Variants in SCML4 observed in about 807,000 individuals in gnomAD.
SCML4 encodes Scm polycomb group protein like 4.
Under a neutral mutation model 41.1 loss-of-function variants are expected in SCML4, and 34 were observed. The observed-to-expected ratio is 0.83, with a 90% CI of 0.63 to 1.10. SCML4 has a LOEUF of 1.10. Ranked by LOEUF, SCML4 falls within the 50% of genes least tolerant of loss-of-function variation. The probability of loss-of-function intolerance (pLI) is 0.00; values close to 1 mark genes in which losing one functional copy is unlikely to be tolerated. For synonymous variants in SCML4, 214 were observed against 220.9 expected, an observed-to-expected ratio of 0.97 and a Z score of 0.28; for missense variants, 522 against 534.1, an observed-to-expected ratio of 0.98 and a Z score of 0.22.
intron 2 of SCML4, among the ~76,000 whole-genome samples, chr6:107,764,070 A>G (rs932372404): frequency 6.6e-6 from 1 of 152,250 alleles, no homozygotes; most frequent in Non-Finnish European, 1.5e-5. Context: ...AAGTTAGAAG[A>G]CATTGAATAA....
At chr6:107,708,378 G>A (rs1210290041) in intron 6 of SCML4, among the ~76,000 whole-genome samples, 2 of 152,136 alleles carry the variant, frequency 1.3e-5, no homozygotes, top group Non-Finnish European at 2.9e-5. Flanking sequence ...TCCTGAGCCT[G>A]GGTACTTGGT....
At chr6:107,795,424 A>T (rs1167951503) in intron 1 of SCML4, among the ~76,000 whole-genome samples, 1 of 152,186 alleles carries the variant, frequency 6.6e-6, no homozygotes, top group Non-Finnish European at 1.5e-5. Context: ...AGTCAATTTC[A>T]TAGGTCTTAA....
Position 107,802,237 on chromosome 6 carries a change from G to A in SCML4, c.-60+21889C>T, listed in dbSNP as rs569432647. 6.6e-5 allele frequency among the ~76,000 whole-genome samples: 10 copies of A among 152,292 alleles called. 1 individual carries two copies. Among genetic ancestry groups the A allele is most frequent in the Admixed American group, 5.9e-4 (9 of 15,290 alleles). ...CCAAATGATATGCAGCAAGTCAGGT[G>A]ATGATAAATATTACAAGAATAAATT... On this transcript the variant is annotated intron_variant, in intron 1 of 7. Transcript: ENST00000369020.
intron 5 of SCML4, among the ~76,000 whole-genome samples, chr6:107,730,923 C>T (rs1776473438): frequency 6.6e-6 from 1 of 152,172 alleles, no homozygotes; most frequent in African/African-American, 2.4e-5. Flanking sequence ...GTTCTGAGTC[C>T]AGAGTGTGTG....
intron 6 of SCML4, among the ~76,000 whole-genome samples, chr6:107,710,375 T>C (rs1366150536): frequency 1.3e-5 from 1 of 77,010 alleles, no homozygotes; most frequent in Non-Finnish European, 2.8e-5. Flanking sequence ...GGGCCTGGCA[T>C]TGGGTGAGGG....
intron 5 of SCML4, among the ~76,000 whole-genome samples, chr6:107,736,039 G>A (rs1777035708): frequency 6.6e-6 from 1 of 152,080 alleles, no homozygotes; most frequent in Non-Finnish European, 1.5e-5. Context: ...GGTGGAGTAG[G>A]CTACTTGTGT....
intron 1 of SCML4, among the ~76,000 whole-genome samples, chr6:107,773,589 CAAAAAAAAAAA>C (rs5878938): frequency 9.1e-5 from 7 of 76,978 alleles, no homozygotes; most frequent in South Asian, 5.4e-4. Flanking sequence ...AAGACTGTCT[CAAAAAAAAAAA>C]AAAAAAAAAA....
the SCML4 span, among the ~76,000 whole-genome samples, chr6:107,831,830 G>T: frequency 6.6e-6 from 1 of 152,116 alleles, no homozygotes; most frequent in South Asian, 2.1e-4. Flanking sequence ...GAAGTGGGAG[G>T]ATCACAAGGT....
chr6:107,806,401 C>A (rs1783733303), intron 1 of SCML4, among the ~76,000 whole-genome samples: 1 of 152,202 alleles, frequency 6.6e-6, no homozygotes, highest in African/African-American at 2.4e-5. Flanking sequence ...ATGTGCCCTG[C>A]CTATCCTCGA....
intron 2 of SCML4, among the ~76,000 whole-genome samples, chr6:107,760,931 A>G (rs1253173728): frequency 6.6e-6 from 1 of 152,228 alleles, no homozygotes; most frequent in African/African-American, 2.4e-5. Flanking sequence ...TTGAATTTTT[A>G]TAAGTGGGAA....
Position 107,772,273 on chromosome 6 carries a change from T to TG in SCML4, c.54dup (p.Thr19HisfsTer9). On this transcript the variant is annotated frameshift_variant, in exon 2 of 8. Transcript: ENST00000369020. LOFTEE classifies it high-confidence loss of function. ...TTATGAACTGCCATCTTCATAGGCG[T>TG]GGAGTGAAGTGAGGGTCGGCCTCGC... is the stretch of plus-strand genomic sequence containing the variant. 3 of 1,551,754 alleles carry TG rather than the reference T, an allele frequency of 1.9e-6. No individual in the cohort carries two copies. Among genetic ancestry groups the TG allele is most frequent in the Non-Finnish European group, 2.6e-6 (3 of 1,147,006 alleles).
At chr6:107,840,304 G>C in the SCML4 span, among the ~76,000 whole-genome samples, 42 of 152,320 alleles carry the variant, frequency 2.8e-4, no homozygotes, top group East Asian at 7.9e-3. Flanking sequence ...ATTAATGATT[G>C]GGTTCTGGTC....
At chr6:107,810,146 G>A (rs1007300375) in intron 1 of SCML4, among the ~76,000 whole-genome samples, 3 of 152,100 alleles carry the variant, frequency 2.0e-5, no homozygotes, top group Admixed American at 6.6e-5. Flanking sequence ...CTTGGGAGCT[G>A]TGAAGAAGAG....
At chr6:107,769,422 G>C (rs1780336964) in intron 2 of SCML4, among the ~76,000 whole-genome samples, 1 of 152,212 alleles carries the variant, frequency 6.6e-6, no homozygotes, top group Admixed American at 6.5e-5. Context: ...ACATGTTCTT[G>C]AGTCTTGAAG....
chr6:107,711,812 A>G (rs145492268), intron 6 of SCML4, among the ~76,000 whole-genome samples: 2 of 152,172 alleles, frequency 1.3e-5, no homozygotes, highest in African/African-American at 4.8e-5. Context: ...CCTTCTTTAG[A>G]TCTCGGGGCA....
intron 1 of SCML4, among the ~76,000 whole-genome samples, chr6:107,809,847 CCT>C (rs367761638): frequency 3.2e-4 from 48 of 149,808 alleles, no homozygotes; most frequent in Non-Finnish European, 3.9e-4. Flanking sequence ...TAATTATGCA[CCT>C]CTCTCTCTCT....
At chr6:107,777,585 T>A (rs1781060270) in intron 1 of SCML4, among the ~76,000 whole-genome samples, 1 of 152,222 alleles carries the variant, frequency 6.6e-6, no homozygotes, top group African/African-American at 2.4e-5. Flanking sequence ...GCCACAGAAC[T>A]TCAGTGGCTA....
Position 107,802,866 on chromosome 6 carries a change from G to A in SCML4, c.-60+21260C>T, listed in dbSNP as rs996153635. On this transcript the variant is annotated intron_variant, in intron 1 of 7. Transcript: ENST00000369020. ...CTGCCTGATTCTCCTGCCTCAGCCT[G>A]CCGAGTGCCTGCGATTGCAGTCGCG... Among the ~76,000 whole-genome samples the A allele has an allele frequency of 7.9e-5, 12 of 151,972 alleles. No individual in the cohort carries two copies. The East Asian group carries it at 2.3e-3, about 30-fold the overall frequency.
chr6:107,828,734 C>CA (rs1785320815), upstream of SCML4, among the ~76,000 whole-genome samples: 1 of 152,140 alleles, frequency 6.6e-6, no homozygotes, highest in Non-Finnish European at 1.5e-5. Context: ...TTATGATTAC[C>CA]ATTTTGCAGC....
Sources: gnomAD v4.1 joint callset for allele counts (sites outside exome capture counted in the v4.1 genomes callset) on GRCh38, gnomAD v4.1.1 for gene constraint, MANE v1.5 for transcripts, NCBI Gene and HGNC (gene_info 2026-07-23, HGNC 2026-07-21) for gene names.